MTUS2: variants seen among roughly 807,000 people sequenced by gnomAD.
The protein encoded by MTUS2 is microtubule associated scaffold protein 2, also known as microtubule-associated tumor suppressor candidate 2.
MTUS2 carries 40 observed loss-of-function variants against 114.1 expected under a neutral mutation model. That is an observed-to-expected ratio of 0.35 (90% CI 0.27 to 0.46). The LOEUF (loss-of-function observed/expected upper bound fraction) is 0.46, where lower values mean the gene tolerates loss of function less well. Ranked by LOEUF, MTUS2 falls within the 20% of genes least tolerant of loss-of-function variation. MTUS2 has a pLI of 1.00. For missense variants in MTUS2, 1,679 were observed against 1,705.4 expected (o/e 0.98, Z 0.27); for synonymous variants, 688 against 672.0 (o/e 1.02, Z -0.37).
intron 5 of MTUS2, among the ~76,000 whole-genome samples, chr13:29,161,166 G>A (rs1229242284): frequency 6.6e-6 from 1 of 152,178 alleles, no homozygotes; most frequent in African/African-American, 2.4e-5. Flanking sequence ...GCACACACGT[G>A]CATACACACA....
intron 2 of MTUS2, among the ~76,000 whole-genome samples, chr13:28,914,294 CTGTTTGT>C (rs1349064559): frequency 2.0e-5 from 3 of 152,030 alleles, no homozygotes; most frequent in Admixed American, 6.6e-5. Flanking sequence ...GGCATGTTGT[CTGTTTGT>C]TCTCATTAGT....
At chr13:29,229,181 C>T (rs566841083) in intron 5 of MTUS2, among the ~76,000 whole-genome samples, 106 of 152,034 alleles carry the variant, frequency 7.0e-4, no homozygotes, top group Non-Finnish European at 1.2e-3. Context: ...CTGATTTGAC[C>T]TCTAGTTTTC....
At chr13:29,149,676 C>A (rs1892589406) in intron 5 of MTUS2, among the ~76,000 whole-genome samples, 1 of 152,022 alleles carries the variant, frequency 6.6e-6, no homozygotes, top group African/African-American at 2.4e-5. Context: ...GTCTTTAATC[C>A]ATCTTGAATT....
intron 2 of MTUS2, among the ~76,000 whole-genome samples, chr13:28,967,945 T>C (rs149534836): frequency 9.8e-5 from 15 of 152,328 alleles, no homozygotes; most frequent in Non-Finnish European, 2.1e-4. Context: ...CACCCTGTTA[T>C]TATTTCAATA....
chr13:29,439,997 T>G lies in MTUS2; in HGVS notation c.3132T>G (p.Leu1044=), dbSNP rs1440205663. 2 of 1,585,694 alleles carry G rather than the reference T, an allele frequency of 1.3e-6. No homozygotes were observed. Among genetic ancestry groups the G allele is most frequent in the Admixed American group, 1.8e-5 (1 of 56,084 alleles). ...QHFFRKNESA[L]VKEKELSIEL... is the part of the protein sequence containing the mutation. Reference sequence around the variant, plus strand: ...TGTTTTTTCAGAATGAAAGTGCCCTTGTGAAAGAAAAAGAGCTGTCAATCG... The same window carrying G: ...TGTTTTTTCAGAATGAAAGTGCCCTGGTGAAAGAAAAAGAGCTGTCAATCG... The change falls in exon 9 of 16, where the codon CTT becomes CTG. Residue 1044 remains leucine (L), a synonymous_variant. Transcript: ENST00000612955.
intron 5 of MTUS2, among the ~76,000 whole-genome samples, chr13:29,122,199 G>A (rs925481576): frequency 3.2e-4 from 48 of 152,220 alleles, no homozygotes; most frequent in African/African-American, 1.1e-3. Context: ...GGAGGGAGAA[G>A]GGGCTAAGTT....
At chr13:29,012,805 C>G (rs1885908575) in intron 2 of MTUS2, among the ~76,000 whole-genome samples, 1 of 151,856 alleles carries the variant, frequency 6.6e-6, no homozygotes, top group Non-Finnish European at 1.5e-5. Context: ...ACCCGGGAGG[C>G]AGAGGTTGCA....
chr13:29,355,111 T>C (rs1869630074), intron 7 of MTUS2, among the ~76,000 whole-genome samples: 1 of 152,240 alleles, frequency 6.6e-6, no homozygotes, highest in Admixed American at 6.5e-5. Context: ...AAACCAAGCT[T>C]TTTCATCCAT....
At chr13:29,383,170 C>T (rs758040003) in intron 8 of MTUS2, among the ~76,000 whole-genome samples, 161 of 148,296 alleles carry the variant, frequency 1.1e-3, no homozygotes, top group Non-Finnish European at 1.7e-3. Context: ...AAATGACATA[C>T]AAGTCATAGC....
At chr13:29,168,888 C>CTGTGTGTGTGTGTG (rs57636866) in intron 5 of MTUS2, among the ~76,000 whole-genome samples, 56,010 of 138,176 alleles carry the variant, frequency 0.41, 12,031 homozygotes, top group Admixed American at 0.49. Flanking sequence ...CTTTATGAAT[C>CTGTGTGTGTGTGTG]TGTGTGTGTG....
At chr13:29,295,466 C>T (rs2139589702) in intron 6 of MTUS2, among the ~76,000 whole-genome samples, 2 of 152,262 alleles carry the variant, frequency 1.3e-5, no homozygotes, top group South Asian at 4.2e-4. Context: ...ATTCTACTCT[C>T]TCCTTCTATG....
chr13:28,829,048 G>A (rs554450373), intron 1 of MTUS2, among the ~76,000 whole-genome samples: 46 of 152,246 alleles, frequency 3.0e-4, no homozygotes, highest in African/African-American at 1.1e-3. Flanking sequence ...AACAATGAAA[G>A]CACTGGCAAA....
At chr13:28,923,657 C>T (rs1881171061) in intron 2 of MTUS2, among the ~76,000 whole-genome samples, 1 of 152,126 alleles carries the variant, frequency 6.6e-6, no homozygotes, top group Non-Finnish European at 1.5e-5. Flanking sequence ...TGTCCAGCTG[C>T]TTGTTGTGTT....
At chr13:28,967,762 A>G (rs1352237155) in intron 2 of MTUS2, among the ~76,000 whole-genome samples, 1 of 152,154 alleles carries the variant, frequency 6.6e-6, no homozygotes, top group Non-Finnish European at 1.5e-5. Flanking sequence ...CTGTGCAAAA[A>G]TTCATCATCC....
chr13:29,231,437 T>A (rs190587147), intron 5 of MTUS2, among the ~76,000 whole-genome samples: 3 of 152,314 alleles, frequency 2.0e-5, no homozygotes, highest in African/African-American at 7.2e-5. Context: ...CTTACAGTGC[T>A]CACATCAGCT....
chr13:29,180,469 A>G (rs757254746), intron 5 of MTUS2, among the ~76,000 whole-genome samples: 8 of 152,236 alleles, frequency 5.3e-5, no homozygotes, highest in Non-Finnish European at 8.8e-5. Flanking sequence ...TACATAGGCA[A>G]ATCTTAAGAT....
At chr13:29,213,530 TA>T (rs1895543724) in intron 5 of MTUS2, among the ~76,000 whole-genome samples, 1 of 152,234 alleles carries the variant, frequency 6.6e-6, no homozygotes, top group African/African-American at 2.4e-5. Context: ...GTAAGGTATA[TA>T]AAGTTTTAGT....
intron 2 of MTUS2, among the ~76,000 whole-genome samples, chr13:28,922,261 G>C (rs1402115895): frequency 6.6e-6 from 1 of 152,196 alleles, no homozygotes; most frequent in Non-Finnish European, 1.5e-5. Context: ...GTGGAACTGT[G>C]AGTCAATTAA....
At chr13:29,396,825 G>A (rs1873946611) in intron 8 of MTUS2, among the ~76,000 whole-genome samples, 3 of 152,232 alleles carry the variant, frequency 2.0e-5, no homozygotes, top group African/African-American at 7.2e-5. Context: ...CACAGTCACT[G>A]TGTAGGACCC....
Sources: allele counts gnomAD v4.1 joint callset (sites outside exome capture counted in the v4.1 genomes callset), GRCh38; gene constraint gnomAD v4.1.1; transcripts MANE v1.5; gene names NCBI Gene and HGNC (gene_info 2026-07-23, HGNC 2026-07-21).